Variants in NFXL1 observed in about 807,000 individuals in gnomAD.
The protein encoded by NFXL1 is NF-X1-type zinc finger protein NFXL1.
A neutral mutation model predicts 123.3 loss-of-function variants in NFXL1; 66 were observed. That is an observed-to-expected ratio of 0.54 (90% confidence interval 0.44 to 0.66). NFXL1 has a LOEUF of 0.66. Among genes scored for constraint, NFXL1 ranks in the 30% least tolerant of loss-of-function variants. The pLI, the probability that NFXL1 is intolerant of heterozygous loss-of-function variation, is 0.00. For synonymous variants in NFXL1, 346 were observed against 360.8 expected, an observed-to-expected ratio of 0.96 and a Z score of 0.46; for missense variants, 944 against 1,125.6, an observed-to-expected ratio of 0.84 and a Z score of 2.31.
chr4:47,870,604 GA>G (rs111655275), intron 18 of NFXL1, among the ~76,000 whole-genome samples: 52,376 of 149,632 alleles, frequency 0.35, 10,203 homozygotes, highest in Non-Finnish European at 0.44. Context: ...AAACCCCAAG[GA>G]AAAAAAAAAT....
rs1028307353 is a variant in NFXL1 at position 47,847,835 on chromosome 4, T to C, written c.*328A>G. ...TATGGCTCAGTCTCATCTGAATTATTTTTTTAAAAGTGTTGGTTTGAATTA... is the reference window on the plus strand; with the variant it reads ...TATGGCTCAGTCTCATCTGAATTATCTTTTTAAAAGTGTTGGTTTGAATTA... On this transcript the variant is annotated 3_prime_UTR_variant, in exon 23 of 23. Transcript: ENST00000507489. 9 of 173,122 alleles carry C rather than the reference T, an allele frequency of 5.2e-5. No homozygotes were observed. The highest frequency in any genetic ancestry group is 1.3e-4 in the Admixed American group (2 of 15,990). The allele number at this position is 173,122 out of a possible 1,614,324, so 10.7% of individuals were successfully genotyped here.
intron 4 of NFXL1, among the ~76,000 whole-genome samples, chr4:47,904,453 C>A (rs1737476082): frequency 6.6e-6 from 1 of 152,186 alleles, no homozygotes; most frequent in East Asian, 1.9e-4. Context: ...CATGCAGAGA[C>A]TATGCATTCC....
chr4:47,896,672 TTAA>T, intron 9 of NFXL1, 25 bp from the exon 10 acceptor site: 1 of 1,544,542 alleles, frequency 6.5e-7, no homozygotes, highest in Non-Finnish European at 8.9e-7. Context: ...AAAGTCAATG[TTAA>T]TAATGAGACA....
intron 20 of NFXL1, among the ~76,000 whole-genome samples, chr4:47,852,801 ACT>A (rs1560578406): frequency 6.6e-6 from 1 of 151,852 alleles, no homozygotes; most frequent in Non-Finnish European, 1.5e-5. Context: ...TGTCACTTTT[ACT>A]CTCAGTATAT....
At chr4:47,913,397 G>C (rs1159471610) in intron 2 of NFXL1, among the ~76,000 whole-genome samples, 1 of 152,156 alleles carries the variant, frequency 6.6e-6, no homozygotes, top group East Asian at 1.9e-4. Flanking sequence ...GGTATCAAAA[G>C]CTCAAGTGCT....
intron 18 of NFXL1, among the ~76,000 whole-genome samples, chr4:47,871,361 A>AAG (rs1735421446): frequency 6.6e-6 from 1 of 151,754 alleles, no homozygotes; most frequent in East Asian, 1.9e-4. Flanking sequence ...AAAAAAAAAA[A>AAG]AAACAAAAAC....
At chr4:47,877,168 A>C (rs1219560679) in intron 17 of NFXL1, 1 of 469,024 alleles carries the variant, frequency 2.1e-6, no homozygotes. Flanking sequence ...TCATGGACAA[A>C]TCACAGAGCT....
chr4:47,848,350 G>A lies in NFXL1; in HGVS notation c.2563-14C>T, dbSNP rs774259766. 24 of 1,569,374 alleles carry A rather than the reference G, an allele frequency of 1.5e-5. No individual in the cohort carries two copies. Among genetic ancestry groups the A allele is most frequent in the Non-Finnish European group, 2.1e-5 (24 of 1,156,144 alleles). On this transcript the variant is annotated splice_polypyrimidine_tract_variant and intron_variant, in intron 22 of 22. Coordinates refer to ENST00000507489, the MANE Select transcript of NFXL1 (RefSeq NM_001278624.2). The stretch of plus-strand genomic sequence containing the variant: ...TTCTAGTTCAGCCTAAATAAAAACA[G>A]CATCATTTTAATTAAATTCAATGCA...
At chr4:47,911,685 G>T (rs1205146765) in intron 2 of NFXL1, among the ~76,000 whole-genome samples, 3 of 152,100 alleles carry the variant, frequency 2.0e-5, no homozygotes, top group African/African-American at 7.2e-5. Flanking sequence ...TGTTAATTTT[G>T]GATTCGTTCT....
At chr4:47,860,487 C>T (rs1734703172) in intron 19 of NFXL1, among the ~76,000 whole-genome samples, 1 of 152,184 alleles carries the variant, frequency 6.6e-6, no homozygotes, top group African/African-American at 2.4e-5. Context: ...TTATGCCACT[C>T]CCACAATTTA....
chr4:47,905,417 C>A, intron 3 of NFXL1, 71 bp from the exon 4 acceptor site: 1 of 733,036 alleles, frequency 1.4e-6, no homozygotes, highest in South Asian at 1.6e-5. Context: ...CTAATAGCAC[C>A]ATATTATGTA....
intron 3 of NFXL1, among the ~76,000 whole-genome samples, chr4:47,910,609 TAA>T (rs1306421614): frequency 6.6e-6 from 1 of 152,200 alleles, no homozygotes; most frequent in African/African-American, 2.4e-5. Flanking sequence ...CCTAAGGCTA[TAA>T]AAGAGCCACT....
At chr4:47,884,466 G>C (rs1403996683) in intron 14 of NFXL1, 29 bp from the exon 15 acceptor site, 19 of 1,355,194 alleles carry the variant, frequency 1.4e-5, no homozygotes, top group Non-Finnish European at 1.9e-5. Flanking sequence ...AGAATTTTAA[G>C]TCAGAGGGAT....
chr4:47,862,739 A>T (rs182365812), intron 19 of NFXL1, 107 bp downstream of exon 19: 1 of 736,766 alleles, frequency 1.4e-6, no homozygotes, highest in East Asian at 2.6e-5. Context: ...TTATTTAAAA[A>T]GATACAACAG....
chr4:47,857,312 C>T (rs778412110), intron 19 of NFXL1, among the ~76,000 whole-genome samples: 2 of 152,144 alleles, frequency 1.3e-5, no homozygotes, highest in Non-Finnish European at 2.9e-5. Flanking sequence ...CAATCCTTCT[C>T]AGTCTCTGAT....
chr4:47,855,236 C>T (rs1413308128), intron 19 of NFXL1, 73 bp from the exon 20 acceptor site: 1 of 788,818 alleles, frequency 1.3e-6, no homozygotes, highest in Admixed American at 2.3e-5. Flanking sequence ...CATACCCCAA[C>T]AATTTTAAGA....
intron 18 of NFXL1, among the ~76,000 whole-genome samples, chr4:47,871,350 CAA>C (rs373960425): frequency 7.4e-6 from 1 of 135,848 alleles, no homozygotes; most frequent in Non-Finnish European, 1.6e-5. Flanking sequence ...GACTCCGTCT[CAA>C]AAAAAAAAAA....
chr4:47,905,949 T>TAA (rs1475195457), intron 3 of NFXL1, among the ~76,000 whole-genome samples: 2 of 152,166 alleles, frequency 1.3e-5, no homozygotes, highest in South Asian at 2.1e-4. Context: ...CAGTAATTAT[T>TAA]GAGTGCTTAT....
In NFXL1 at chr4:47,848,006, G is replaced by T; in HGVS notation, c.*157C>A. 1.9e-6 allele frequency: 1 copy of T among 530,364 alleles called. No individual in the cohort carries two copies. The highest frequency in any genetic ancestry group is 3.3e-6 in the Non-Finnish European group (1 of 306,534). 32.9% of individuals were successfully genotyped at this position (530,364 alleles called of 1,614,324 possible). A position where few individuals can be genotyped will look rare whatever the true frequency, so the allele number is the denominator to read the frequency against. Reference sequence around the variant, plus strand: ...CTGCCCTTTCTAGTATACTAATTAAGATAAAGTTTAACATTCTGTCCTTCT... The same window carrying T: ...CTGCCCTTTCTAGTATACTAATTAATATAAAGTTTAACATTCTGTCCTTCT... On this transcript the variant is annotated 3_prime_UTR_variant, in exon 23 of 23. Transcript: ENST00000507489.
Sources: gnomAD v4.1 joint callset for allele counts (sites outside exome capture counted in the v4.1 genomes callset) on GRCh38, gnomAD v4.1.1 for gene constraint, MANE v1.5 for transcripts, NCBI Gene and HGNC (gene_info 2026-07-23, HGNC 2026-07-21) for gene names.